The following SH2D4A variants were observed in gnomAD, a reference collection of about 807,000 sequenced individuals.
SH2D4A encodes the protein SH2 domain containing 4A.
Under a neutral mutation model 64.7 loss-of-function variants are expected in SH2D4A, and 70 were observed. That is an observed-to-expected ratio of 1.08 (90% CI 0.89 to 1.32). The LOEUF (loss-of-function observed/expected upper bound fraction) is 1.32. Ranked by LOEUF, SH2D4A falls within the 40% of genes most tolerant of loss-of-function variation. SH2D4A has a pLI of 0.00. For missense variants in SH2D4A, 706 were observed against 540.1 expected, an observed-to-expected ratio of 1.31 and a Z score of -3.04; for synonymous variants, 268 against 200.7, an observed-to-expected ratio of 1.34 and a Z score of -2.83.
At chr8:19,367,098 A>G (rs1337214447) in intron 7 of SH2D4A, among the ~76,000 whole-genome samples, 2 of 151,928 alleles carry the variant, frequency 1.3e-5, no homozygotes, top group African/African-American at 4.8e-5. Context: ...TATACTTTTT[A>G]TGTCTGAATA....
At chr8:19,345,402 G>T (rs2052597524) in intron 4 of SH2D4A, among the ~76,000 whole-genome samples, 1 of 152,224 alleles carries the variant, frequency 6.6e-6, no homozygotes. Context: ...ACTACTAGCT[G>T]TCAAGAAGGG....
At chr8:19,368,824 T>C (rs12155715) in intron 7 of SH2D4A, among the ~76,000 whole-genome samples, 18,458 of 152,110 alleles carry the variant, frequency 0.12, 1,552 homozygotes, top group East Asian at 0.32. Context: ...TGTGCTTCAT[T>C]GCTTTCTCTT....
chr8:19,333,445 G>T (rs1283757028), intron 3 of SH2D4A, among the ~76,000 whole-genome samples: 1 of 152,130 alleles, frequency 6.6e-6, no homozygotes, highest in Non-Finnish European at 1.5e-5. Flanking sequence ...GTTCCCCAGT[G>T]ATCACCCGTG....
At chr8:19,314,049 CCG>C (rs1292568468) in intron 1 of SH2D4A, 1 of 1,206,518 alleles carries the variant, frequency 8.3e-7, no homozygotes, top group East Asian at 3.5e-5. Context: ...TGTCCGGTGT[CCG>C]GTGTCCGGTG....
chr8:19,341,906 A>C (rs993981643), intron 4 of SH2D4A, among the ~76,000 whole-genome samples: 1 of 151,928 alleles, frequency 6.6e-6, no homozygotes, highest in African/African-American at 2.4e-5. Flanking sequence ...AAAATACTCC[A>C]GACCTGAGTC....
intron 2 of SH2D4A, among the ~76,000 whole-genome samples, chr8:19,331,991 A>G (rs2117204711): frequency 6.6e-6 from 1 of 152,202 alleles, no homozygotes; most frequent in East Asian, 1.9e-4. Context: ...CTGTCTCTAC[A>G]AAAAATTTTA....
At chr8:19,393,917 G>T (rs189596224) in intron 9 of SH2D4A, among the ~76,000 whole-genome samples, 1 of 152,248 alleles carries the variant, frequency 6.6e-6, no homozygotes, top group Admixed American at 6.5e-5. Flanking sequence ...GATGATTTAA[G>T]CACATTACAT....
intron 8 of SH2D4A, among the ~76,000 whole-genome samples, chr8:19,388,709 A>G (rs1204293175): frequency 1.3e-5 from 2 of 152,294 alleles, no homozygotes; most frequent in Middle Eastern, 3.4e-3. Context: ...TCTTGTCCCT[A>G]TGATCACAAT....
intron 4 of SH2D4A, among the ~76,000 whole-genome samples, chr8:19,336,632 C>G (rs1401998540): frequency 1.3e-5 from 2 of 152,066 alleles, no homozygotes; most frequent in Non-Finnish European, 2.9e-5. Flanking sequence ...AGGAGGATCC[C>G]TTTTGAGGCC....
chr8:19,318,055 C>T (rs1001693761), intron 1 of SH2D4A, among the ~76,000 whole-genome samples: 1 of 152,114 alleles, frequency 6.6e-6, no homozygotes, highest in East Asian at 1.9e-4. Context: ...CACCCACCAC[C>T]ATGCCCAGCT....
chr8:19,358,091 T>A (rs1251449612), intron 5 of SH2D4A, among the ~76,000 whole-genome samples: 2 of 152,208 alleles, frequency 1.3e-5, no homozygotes, highest in Non-Finnish European at 2.9e-5. Flanking sequence ...TGCATACTGC[T>A]GATACAATAC....
chr8:19,328,789 A>G (rs551767022), intron 2 of SH2D4A, among the ~76,000 whole-genome samples: 3 of 152,330 alleles, frequency 2.0e-5, no homozygotes, highest in African/African-American at 7.2e-5. Flanking sequence ...TTTGTCACCT[A>G]GCAGGCCTGT....
At chr8:19,383,770 T>A (rs2053339255) in intron 8 of SH2D4A, among the ~76,000 whole-genome samples, 2 of 152,182 alleles carry the variant, frequency 1.3e-5, no homozygotes, top group African/African-American at 4.8e-5. Context: ...TCCGCATATA[T>A]GCAATTATTT....
intron 8 of SH2D4A, among the ~76,000 whole-genome samples, chr8:19,390,947 A>G (rs1337636168): frequency 6.6e-6 from 1 of 152,182 alleles, no homozygotes; most frequent in African/African-American, 2.4e-5. Flanking sequence ...TCATCTGGAT[A>G]ATTTCCAGAT....
At chr8:19,328,527 A>C (rs750800850) in intron 2 of SH2D4A, among the ~76,000 whole-genome samples, 1 of 151,964 alleles carries the variant, frequency 6.6e-6, no homozygotes, top group Non-Finnish European at 1.5e-5. Context: ...GTCATTTCCT[A>C]TGCCTGCCCT....
intron 8 of SH2D4A, among the ~76,000 whole-genome samples, chr8:19,379,126 A>C (rs2053247866): frequency 6.6e-6 from 1 of 151,730 alleles, no homozygotes; most frequent in African/African-American, 2.4e-5. Flanking sequence ...CCATCTGCAG[A>C]AGTTATTTCA....
intron 7 of SH2D4A, among the ~76,000 whole-genome samples, chr8:19,372,392 C>T (rs551200311): frequency 6.6e-6 from 1 of 152,104 alleles, no homozygotes; most frequent in Non-Finnish European, 1.5e-5. Flanking sequence ...GTCAGGGACT[C>T]CAGTACAGAA....
chr8:19,382,793 T>C (rs2053316981), intron 8 of SH2D4A, among the ~76,000 whole-genome samples: 1 of 150,688 alleles, frequency 6.6e-6, no homozygotes, highest in Non-Finnish European at 1.5e-5. Flanking sequence ...GTTGCTTCTC[T>C]CTCTTTTCTC....
At chr8:19,375,947 T>C (rs1223477202) in intron 8 of SH2D4A, among the ~76,000 whole-genome samples, 1 of 152,150 alleles carries the variant, frequency 6.6e-6, no homozygotes, top group Non-Finnish European at 1.5e-5. Context: ...CCCCTGTCTA[T>C]TGCTCCAGTC....
Sources: allele counts gnomAD v4.1 joint callset (sites outside exome capture counted in the v4.1 genomes callset), GRCh38; gene constraint gnomAD v4.1.1; transcripts MANE v1.5; gene names NCBI Gene and HGNC (gene_info 2026-07-23, HGNC 2026-07-21).